UTRN: variants seen among roughly 807,000 people sequenced by gnomAD.
The protein encoded by UTRN is utrophin.
A neutral mutation model predicts 463.9 loss-of-function variants in UTRN; 283 were observed. The ratio of observed to expected loss-of-function variants is 0.61; its 90% confidence interval spans 0.55 to 0.67. The LOEUF is 0.67. Among genes scored for constraint, UTRN ranks in the 30% least tolerant of loss-of-function variants. The probability of loss-of-function intolerance (pLI) is 0.00; values close to 1 mark genes in which losing one functional copy is unlikely to be tolerated. For missense variants in UTRN, 3,922 were observed against 4,084.3 expected (o/e 0.96, Z 1.08); for synonymous variants, 1,442 against 1,431.5 (o/e 1.01, Z -0.17).
At position 144,421,904 on chromosome 6, in the gene UTRN, G is replaced by T; in HGVS notation, c.168G>T (p.Met56Ile). The change falls in exon 4 of 75, where the codon ATG becomes ATT. Residue 56 changes from methionine (M) to isoleucine (I), a missense_variant. By Grantham distance (10) the Met-to-Ile change is conservative. Around this residue, in one of 3 missense-constraint regions of UTRN, gnomAD observed 264 missense variants for 327.9 expected, o/e 0.81. Coordinates refer to ENST00000367545, the MANE Select transcript of UTRN (RefSeq NM_007124.3). ...SKSGKPPINDMFTDLKDGRKL... is the reference protein window; with the variant it reads ...SKSGKPPINDIFTDLKDGRKL... ...GTGGGAAACCACCCATCAATGATAT[G>T]TTCACAGACCTCAAAGATGGAAGGA... 1 of 1,612,796 alleles carries T rather than the reference G, an allele frequency of 6.2e-7. No homozygotes were observed. The highest frequency in any genetic ancestry group is 8.5e-7 in the Non-Finnish European group (1 of 1,179,406).
intron 19 of UTRN, among the ~76,000 whole-genome samples, chr6:144,454,441 G>C (rs1233266534): frequency 6.6e-6 from 1 of 152,012 alleles, no homozygotes; most frequent in Non-Finnish European, 1.5e-5. Context: ...TTGATGTGCA[G>C]TTTTGCATAT....
At chr6:144,715,103 A>G (rs186524564) in intron 53 of UTRN, among the ~76,000 whole-genome samples, 25 of 152,268 alleles carry the variant, frequency 1.6e-4, no homozygotes, top group Admixed American at 6.5e-4. Context: ...TTTACATGTC[A>G]TCTCTACTTG....
At chr6:144,584,194 CTTGT>C (rs763502544) in intron 51 of UTRN, among the ~76,000 whole-genome samples, 1 of 152,134 alleles carries the variant, frequency 6.6e-6, no homozygotes, top group African/African-American at 2.4e-5. Flanking sequence ...CTGGAGACAA[CTTGT>C]TTGACAGTTG....
At chr6:144,328,109 G>A (rs1425949518) in intron 2 of UTRN, among the ~76,000 whole-genome samples, 1 of 151,854 alleles carries the variant, frequency 6.6e-6, no homozygotes, top group Non-Finnish European at 1.5e-5. Flanking sequence ...AACCCCACCT[G>A]TCTGCTATCC....
At chr6:144,839,062 T>A (rs1053766110) in intron 71 of UTRN, 111 bp from the exon 72 acceptor site, 6 of 781,438 alleles carry the variant, frequency 7.7e-6, no homozygotes, top group Non-Finnish European at 1.2e-5. Flanking sequence ...AGGCAAAGAC[T>A]TCTATATGAT....
intron 19 of UTRN, 89 bp from the exon 20 acceptor site, chr6:144,458,681 C>T: frequency 2.1e-6 from 3 of 1,433,076 alleles, no homozygotes; most frequent in South Asian, 1.6e-5. Context: ...GACATTGCCT[C>T]ACTATTCTGA....
intron 72 of UTRN, 91 bp downstream of exon 72, chr6:144,839,375 C>A: frequency 9.9e-7 from 1 of 1,011,644 alleles, no homozygotes; most frequent in Non-Finnish European, 1.5e-6. Context: ...TTCCTACACA[C>A]TGGTGCCTTA....
At position 144,512,275 on chromosome 6, in the gene UTRN, T is replaced by A. The variant is rs539388039; in HGVS notation, c.4944+1152T>A. On this transcript the variant is annotated intron_variant, in intron 35 of 74. Transcript: ENST00000367545. ...TTAATTTTTAATTACTAGCTTTATT[T>A]CACATTCTTATGGCCCTTATTTCTG... 5.5e-4 allele frequency among the ~76,000 whole-genome samples: 83 copies of A among 152,252 alleles called. 1 individual carries two copies. The highest frequency in any genetic ancestry group is 3.7e-3 in the South Asian group (18 of 4,824).
At chr6:144,839,061 C>T (rs1781336242) in intron 71 of UTRN, 112 bp from the exon 72 acceptor site, 1 of 769,836 alleles carries the variant, frequency 1.3e-6, no homozygotes, top group East Asian at 2.7e-5. Flanking sequence ...AAGGCAAAGA[C>T]TTCTATATGA....
chr6:144,609,094 T>C (rs370443504), intron 51 of UTRN, among the ~76,000 whole-genome samples: 1 of 152,032 alleles, frequency 6.6e-6, no homozygotes, highest in Admixed American at 6.6e-5. Flanking sequence ...ACTGGCTCAA[T>C]GGATGGGGAA....
chr6:144,684,106 G>A lies in UTRN; in HGVS notation c.7652+5528G>A, dbSNP rs1437536512. ...GCTCTGTCGCCCAGGCTGGAGTGCA[G>A]TGGCACGATCTTGGCTCACTGCAAC... On this transcript the variant is annotated intron_variant, in intron 52 of 74. Transcript: ENST00000367545. Among the ~76,000 whole-genome samples, 3 of 148,850 alleles carry A rather than the reference G, an allele frequency of 2.0e-5. No homozygotes were observed. The South Asian group carries it at 6.4e-4, about 32-fold the overall frequency.
rs1791273696 is a variant in UTRN at position 144,750,493 on chromosome 6, A to G, written c.8209-1313A>G. Among the ~76,000 whole-genome samples the G allele has an allele frequency of 2.0e-5, 3 of 152,088 alleles. No homozygotes were observed. The South Asian group carries it at 6.2e-4, about 31-fold the overall frequency. On this transcript the variant is annotated intron_variant, in intron 55 of 74. Coordinates refer to ENST00000367545, the MANE Select transcript of UTRN (RefSeq NM_007124.3). ...TTGACTTCAAACTTCCAACATTCAT[A>G]GTTCTCACCCTGACTCTAGTCTCTT... is the stretch of plus-strand genomic sequence containing the variant.
At chr6:144,725,518 T>C (rs767771668) in intron 53 of UTRN, among the ~76,000 whole-genome samples, 1 of 152,152 alleles carries the variant, frequency 6.6e-6, no homozygotes, top group Non-Finnish European at 1.5e-5. Context: ...AACAGAAAAA[T>C]TCCAATTATA....
intron 54 of UTRN, among the ~76,000 whole-genome samples, chr6:144,734,660 C>A (rs768343702): frequency 8.5e-5 from 13 of 152,190 alleles, no homozygotes; most frequent in Admixed American, 1.3e-4. Flanking sequence ...AGAATATGAT[C>A]CTTTATCACC....
intron 3 of UTRN, among the ~76,000 whole-genome samples, chr6:144,403,698 A>T (rs939160294): frequency 6.6e-6 from 1 of 152,170 alleles, no homozygotes; most frequent in African/African-American, 2.4e-5. Context: ...ATCTACTCTT[A>T]GCATTTCTAA....
intron 2 of UTRN, among the ~76,000 whole-genome samples, chr6:144,359,262 C>T (rs1228267723): frequency 6.6e-6 from 1 of 152,218 alleles, no homozygotes; most frequent in Admixed American, 6.5e-5. Context: ...CGCTTTTCCC[C>T]AGTGGTGACA....
intron 2 of UTRN, among the ~76,000 whole-genome samples, chr6:144,362,128 A>AGGG (rs1189178741): frequency 6.6e-6 from 1 of 152,202 alleles, no homozygotes; most frequent in African/African-American, 2.4e-5. Context: ...ATAAAGTTAA[A>AGGG]TCCTGCTAGA....
At chr6:144,573,261 G>A (rs1045739784) in intron 50 of UTRN, among the ~76,000 whole-genome samples, 6 of 151,966 alleles carry the variant, frequency 3.9e-5, no homozygotes, top group African/African-American at 1.4e-4. Context: ...TAATTTTAAA[G>A]ACATAGCATG....
At chr6:144,601,409 A>G (rs1804235124) in intron 51 of UTRN, among the ~76,000 whole-genome samples, 1 of 152,154 alleles carries the variant, frequency 6.6e-6, no homozygotes, top group African/African-American at 2.4e-5. Context: ...GAAGAAGTTG[A>G]TTCCTACCCT....
Sources: gnomAD v4.1 joint callset for allele counts (sites outside exome capture counted in the v4.1 genomes callset) on GRCh38, gnomAD v4.1.1 for gene constraint, gnomAD v4.1.1 regional missense constraint, MANE v1.5 for transcripts, NCBI Gene and HGNC (gene_info 2026-07-23, HGNC 2026-07-21) for gene names.